Variants in FHIP2A observed in about 807,000 individuals in gnomAD.
FHIP2A encodes the protein family with sequence similarity 160 member B1.
A neutral mutation model predicts 93.5 loss-of-function variants in FHIP2A; 46 were observed. The observed-to-expected ratio is 0.49, with a 90% confidence interval of 0.39 to 0.63. The LOEUF (loss-of-function observed/expected upper bound fraction) is 0.63, where lower values mean the gene tolerates loss of function less well. FHIP2A is among the 20% of genes least tolerant of loss of function. The probability of loss-of-function intolerance (pLI) is 0.00; values close to 1 mark genes in which losing one functional copy is unlikely to be tolerated. For missense variants in FHIP2A, 769 were observed against 909.7 expected, an observed-to-expected ratio of 0.85 and a Z score of 1.99; for synonymous variants, 332 against 326.5, an observed-to-expected ratio of 1.02 and a Z score of -0.18.
intron 1 of FHIP2A, among the ~76,000 whole-genome samples, chr10:114,827,796 CAAAAAA>C (rs1193460267): frequency 3.6e-5 from 3 of 84,102 alleles, no homozygotes; most frequent in South Asian, 8.8e-4. Flanking sequence ...GACTCCATCT[CAAAAAA>C]AAAAAAAAAA....
intron 3 of FHIP2A, among the ~76,000 whole-genome samples, chr10:114,834,501 A>G (rs2083625819): frequency 6.6e-6 from 1 of 152,196 alleles, no homozygotes; most frequent in Non-Finnish European, 1.5e-5. Flanking sequence ...GCATAAGATT[A>G]TAGTTTATAC....
At chr10:114,828,760 G>A (rs1253684008) in intron 1 of FHIP2A, among the ~76,000 whole-genome samples, 3 of 151,806 alleles carry the variant, frequency 2.0e-5, no homozygotes, top group African/African-American at 4.8e-5. Flanking sequence ...TGAAGTTAAA[G>A]TACTCCCAAA....
chr10:114,853,674 A>G (rs928080735), intron 13 of FHIP2A, among the ~76,000 whole-genome samples: 7 of 152,252 alleles, frequency 4.6e-5, no homozygotes, highest in Non-Finnish European at 8.8e-5. Context: ...TCAGAATATA[A>G]GAAGTGTTAA....
intron 13 of FHIP2A, among the ~76,000 whole-genome samples, chr10:114,851,918 TCA>T (rs2083739352): frequency 6.6e-6 from 1 of 152,158 alleles, no homozygotes; most frequent in Non-Finnish European, 1.5e-5. Context: ...TGCACTTCCT[TCA>T]TTAAATCTAT....
At chr10:114,833,733 T>C (rs966192496) in intron 3 of FHIP2A, among the ~76,000 whole-genome samples, 1 of 152,178 alleles carries the variant, frequency 6.6e-6, no homozygotes, top group South Asian at 2.1e-4. Context: ...TAGGAATTAT[T>C]TGTCATAGTC....
At chr10:114,844,765 G>A (rs949322369) in intron 7 of FHIP2A, among the ~76,000 whole-genome samples, 22 of 151,988 alleles carry the variant, frequency 1.4e-4, no homozygotes, top group African/African-American at 4.6e-4. Context: ...TTTTTCTCCT[G>A]CAGCTCCACT....
At position 114,835,661 on chromosome 10, in the gene FHIP2A, T is replaced by TAA; in HGVS notation, c.399+23_399+24dup. On this transcript the variant is annotated intron_variant, in intron 4 of 16. Transcript: ENST00000369248. The stretch of plus-strand genomic sequence containing the variant: ...GTGCAGGTATTTTGTTCCCCCTACA[T>TAA]AAAATCATTTTGTTTGATTTCTTTT... The TAA allele has an allele frequency of 7.4e-7, 1 of 1,342,766 alleles. No individual in the cohort carries two copies. The highest frequency in any genetic ancestry group is 1.0e-6 in the Non-Finnish European group (1 of 967,950). The allele number at this position is 1,342,766 out of a possible 1,614,324, so 83.2% of individuals were successfully genotyped here. A position where few individuals can be genotyped will look rare whatever the true frequency, so the allele number is the denominator to read the frequency against.
chr10:114,891,932 A>G (rs1396412114), intron 16 of FHIP2A, among the ~76,000 whole-genome samples: 1 of 152,198 alleles, frequency 6.6e-6, no homozygotes, highest in Non-Finnish European at 1.5e-5. Flanking sequence ...GAATATATTT[A>G]TATGGAGTAT....
At chr10:114,844,254 A>G (rs1289704522) in intron 7 of FHIP2A, among the ~76,000 whole-genome samples, 1 of 152,178 alleles carries the variant, frequency 6.6e-6, no homozygotes, top group Non-Finnish European at 1.5e-5. Context: ...TCCTTTTAAA[A>G]TAATTTCCAC....
At chr10:114,899,597 C>A in exon 17 of FHIP2A, 1 of 713,952 alleles carries the variant, frequency 1.4e-6, no homozygotes, top group Admixed American at 2.0e-5. Flanking sequence ...AAATCTTGGG[C>A]CTTGGATCAA....
chr10:114,875,161 C>T (rs529869924), intron 16 of FHIP2A, among the ~76,000 whole-genome samples: 3 of 152,188 alleles, frequency 2.0e-5, no homozygotes, highest in Non-Finnish European at 4.4e-5. Flanking sequence ...GGAAGGAAGG[C>T]GGCCGGCGGA....
intron 16 of FHIP2A, among the ~76,000 whole-genome samples, chr10:114,898,772 A>G (rs917013902): frequency 1.3e-5 from 2 of 152,228 alleles, no homozygotes; most frequent in African/African-American, 2.4e-5. Context: ...CAGGGTTATT[A>G]TGATGCTTAA....
chr10:114,863,774 A>G lies in FHIP2A; in HGVS notation c.*2234A>G, dbSNP rs2083814205. ...ATATTTCTGTTACTCAGTACTTGCA[A>G]AAACAGTAACTAAAATGCACTATGC... On this transcript the variant is annotated 3_prime_UTR_variant, in exon 17 of 17. Coordinates refer to ENST00000369248, the MANE Select transcript of FHIP2A (RefSeq NM_020940.4). The G allele has an allele frequency of 4.0e-6, 5 of 1,265,224 alleles. No homozygotes were observed. The allele number at this position is 1,265,224 out of a possible 1,614,324, so 78.4% of individuals were successfully genotyped here. A position where few individuals can be genotyped will look rare whatever the true frequency, so the allele number is the denominator to read the frequency against.
intron 5 of FHIP2A, among the ~76,000 whole-genome samples, chr10:114,842,285 G>A (rs945994818): frequency 2.0e-5 from 3 of 151,822 alleles, no homozygotes; most frequent in South Asian, 2.1e-4. Flanking sequence ...ATCTAGTCTC[G>A]AATTCCTGGG....
chr10:114,822,096 C>T lies in FHIP2A; in HGVS notation c.18C>T (p.Thr6=). MFSKF[T]SILQHAVEAL... ...GGGACAGGATGTTCTCCAAGTTCAC[C>T]TCCATCCTGCAGCACGCCGTGGAGG... Residue 6 remains threonine, a synonymous_variant, in exon 1 of 17, where the codon ACC becomes ACT. Transcript: ENST00000369248. 7.4e-7 allele frequency: 1 copy of T among 1,343,642 alleles called. No individual in the cohort carries two copies. Among genetic ancestry groups the T allele is most frequent in the East Asian group, 3.3e-5 (1 of 30,632 alleles). The allele number at this position is 1,343,642 out of a possible 1,614,324, so 83.2% of individuals were successfully genotyped here. A position where few individuals can be genotyped will look rare whatever the true frequency, so the allele number is the denominator to read the frequency against.
Position 114,861,610 on chromosome 10 carries a change from C to A in FHIP2A, c.*70C>A. The A allele has an allele frequency of 6.4e-7, 1 of 1,567,788 alleles. No homozygotes were observed. ...TTTCACCAAAAAAGACTCAGTTCCACCCAGCCACAAGAGGATAAAAAGCCT... is the reference window on the plus strand; with the variant it reads ...TTTCACCAAAAAAGACTCAGTTCCAACCAGCCACAAGAGGATAAAAAGCCT... On this transcript the variant is annotated 3_prime_UTR_variant, in exon 17 of 17. Coordinates refer to ENST00000369248, the MANE Select transcript of FHIP2A (RefSeq NM_020940.4).
intron 2 of FHIP2A, among the ~76,000 whole-genome samples, chr10:114,832,225 C>T (rs1290019079): frequency 6.6e-6 from 1 of 152,046 alleles, no homozygotes; most frequent in African/African-American, 2.4e-5. Flanking sequence ...AAAAATATCA[C>T]TAAATTTTTA....
chr10:114,895,157 A>G (rs954256453), intron 16 of FHIP2A, among the ~76,000 whole-genome samples: 4 of 152,222 alleles, frequency 2.6e-5, no homozygotes, highest in Non-Finnish European at 2.9e-5. Context: ...AAACACTGAA[A>G]GAGGATTTTC....
chr10:114,856,826 C>T (rs879432910), intron 14 of FHIP2A, among the ~76,000 whole-genome samples: 6 of 152,256 alleles, frequency 3.9e-5, no homozygotes, highest in South Asian at 2.1e-4. Flanking sequence ...TTCCTGTAAC[C>T]GTGTATCATA....
Sources: gnomAD v4.1 joint callset for allele counts (sites outside exome capture counted in the v4.1 genomes callset) on GRCh38, gnomAD v4.1.1 for gene constraint, MANE v1.5 for transcripts, NCBI Gene and HGNC (gene_info 2026-07-23, HGNC 2026-07-21) for gene names.